The following PFKP variants were observed in gnomAD, a reference collection of about 807,000 sequenced individuals.
PFKP encodes the protein ATP-dependent 6-phosphofructokinase, platelet type.
PFKP carries 101 observed loss-of-function variants against 94.3 expected under a neutral mutation model. That is an observed-to-expected ratio of 1.07 (90% CI 0.91 to 1.26). The LOEUF is 1.26. Among genes scored for constraint, PFKP ranks in the 50% most tolerant of loss-of-function variants. The probability of loss-of-function intolerance (pLI) is 0.00; values close to 1 mark genes in which losing one functional copy is unlikely to be tolerated. For synonymous variants in PFKP, 573 were observed against 432.6 expected, an observed-to-expected ratio of 1.32 and a Z score of -4.03; for missense variants, 1,145 against 1,103.3, an observed-to-expected ratio of 1.04 and a Z score of -0.53.
chr10:3,088,673 T>C (rs533598151), intron 2 of PFKP, among the ~76,000 whole-genome samples: 29 of 152,370 alleles, frequency 1.9e-4, no homozygotes, highest in African/African-American at 6.7e-4. Flanking sequence ...TACATAATAG[T>C]TGTACCTATT....
In PFKP at chr10:3,113,209, G is replaced by A. The variant is rs200343189; in HGVS notation, c.1224+21G>A. The A allele has an allele frequency of 1.2e-3, 1,978 of 1,606,594 alleles. 3 individuals are homozygous for A. The highest frequency in any genetic ancestry group is 2.6e-3 in the Middle Eastern group (16 of 6,050). On this transcript the variant is annotated intron_variant, in intron 12 of 21. Transcript: ENST00000381125. Reference sequence around the variant, plus strand: ...CAAAGGTAGGTGGCCGGCCTCCCGCGATGCCCCGACCTCTCCTGCGGGCCT... The same window carrying A: ...CAAAGGTAGGTGGCCGGCCTCCCGCAATGCCCCGACCTCTCCTGCGGGCCT...
intron 2 of PFKP, among the ~76,000 whole-genome samples, chr10:3,084,243 G>A (rs1045426385): frequency 6.6e-6 from 1 of 152,212 alleles, no homozygotes; most frequent in Non-Finnish European, 1.5e-5. Context: ...TCCCAGCCCC[G>A]CGCAGGGAAG....
intron 1 of PFKP, among the ~76,000 whole-genome samples, chr10:3,078,248 A>G (rs1047867807): frequency 7.1e-6 from 1 of 140,616 alleles, no homozygotes; most frequent in Non-Finnish European, 1.7e-5. Context: ...CCCTCATTGC[A>G]GGTGTGCACG....
chr10:3,109,357 C>T lies in PFKP; in HGVS notation c.966C>T (p.Ala322=). The part of the protein sequence containing the change: ...GTPSAFDRIL[A]SRMGVEAVIA... ...ACCCACATGGACCTGGTTTCCAGGC[C>T]AGCCGCATGGGAGTGGAGGCAGTCA... Residue 322 remains alanine, a splice_region_variant and synonymous_variant, in exon 10 of 22, where the codon GCC becomes GCT. Coordinates refer to ENST00000381125, the MANE Select transcript of PFKP (RefSeq NM_002627.5). 6.2e-7 allele frequency: 1 copy of T among 1,609,598 alleles called. No homozygotes were observed. Among genetic ancestry groups the T allele is most frequent in the Non-Finnish European group, 8.5e-7 (1 of 1,180,000 alleles).
intron 2 of PFKP, among the ~76,000 whole-genome samples, chr10:3,095,216 G>A (rs1393315712): frequency 3.5e-5 from 3 of 86,666 alleles, no homozygotes; most frequent in Non-Finnish European, 1.0e-4. Flanking sequence ...ACTTACATAT[G>A]AGACGTCCGA....
At chr10:3,113,578 G>A (rs4881088) in intron 13 of PFKP, 60 bp downstream of exon 13, 160,782 of 1,511,710 alleles carry the variant, frequency 0.11, 9,952 homozygotes, top group South Asian at 0.25. Flanking sequence ...CAGTGGACGT[G>A]GCGGCGGGGG....
rs775708418 is a variant in PFKP at position 3,119,912 on chromosome 10, G to A, written c.1551G>A (p.Glu517=). ...GGFEAYLGLL[E]LSAAREKHEE... The stretch of plus-strand genomic sequence containing the variant: ...GACAGGCCTACCTGGGACTCCTGGA[G>A]CTGTCAGCCGCCCGGGAGAAGCACG... The change falls in exon 16 of 22, where the codon GAG becomes GAA. Residue 517 remains glutamate (E), a synonymous_variant. Transcript: ENST00000381125. The A allele has an allele frequency of 3.1e-6, 5 of 1,614,030 alleles. No homozygotes were observed. The highest frequency in any genetic ancestry group is 8.5e-7 in the Non-Finnish European group (1 of 1,180,016).
chr10:3,107,064 G>A (rs1588484211), intron 7 of PFKP, 150 bp from the exon 8 acceptor site: 2 of 506,920 alleles, frequency 3.9e-6, no homozygotes, highest in Non-Finnish European at 7.2e-6. Context: ...ACCTTCTGAT[G>A]TCATTGGGAA....
chr10:3,101,923 C>T (rs115919288), intron 4 of PFKP, among the ~76,000 whole-genome samples: 1,977 of 152,280 alleles, frequency 0.013, 47 homozygotes, highest in African/African-American at 0.046. Context: ...TTTCAGCCCT[C>T]ACACTGTGTC....
intron 1 of PFKP, among the ~76,000 whole-genome samples, chr10:3,070,552 G>A (rs1280090658): frequency 2.0e-5 from 3 of 152,132 alleles, no homozygotes; most frequent in Non-Finnish European, 4.4e-5. Context: ...AAAACATTTT[G>A]TATTCTAAGA....
intron 1 of PFKP, chr10:3,069,256 T>C (rs1831998831): frequency 2.1e-6 from 3 of 1,461,138 alleles, no homozygotes; most frequent in East Asian, 5.3e-5. Flanking sequence ...GACCCCAGCA[T>C]CAACGTTCTT....
intron 1 of PFKP, among the ~76,000 whole-genome samples, chr10:3,080,757 G>T (rs1364652326): frequency 6.6e-6 from 1 of 152,162 alleles, no homozygotes; most frequent in Non-Finnish European, 1.5e-5. Flanking sequence ...AAATGAAAGA[G>T]AAAAAGCTGT....
chr10:3,070,949 T>C (rs1211569692), intron 1 of PFKP, among the ~76,000 whole-genome samples: 1 of 151,200 alleles, frequency 6.6e-6, no homozygotes, highest in East Asian at 1.9e-4. Flanking sequence ...GATCTCACTA[T>C]GCTGCCGAGA....
intron 4 of PFKP, among the ~76,000 whole-genome samples, chr10:3,101,864 G>C (rs896708276): frequency 1.3e-5 from 2 of 152,314 alleles, no homozygotes; most frequent in African/African-American, 4.8e-5. Context: ...CGGCCACTCA[G>C]CCGTGGGGCG....
At chr10:3,074,369 G>A (rs1433740480) in intron 1 of PFKP, among the ~76,000 whole-genome samples, 1 of 152,208 alleles carries the variant, frequency 6.6e-6, no homozygotes, top group Non-Finnish European at 1.5e-5. Context: ...GACAGTGAGG[G>A]AGGAGTCCGT....
rs887933971 is a variant in PFKP, at chr10:3,128,120, G to A, written c.1684-1699G>A. Among the ~76,000 whole-genome samples, 17 of 152,206 alleles carry A rather than the reference G, an allele frequency of 1.1e-4. No homozygotes were observed. In the South Asian group the frequency reaches 3.3e-3, roughly 30 times the overall value. On this transcript the variant is annotated intron_variant, in intron 16 of 21. Transcript: ENST00000381125. ...CAGGACGGACGGACGGCTGGCTGGG[G>A]AATACCATGCTTATGTCATTCAGAG...
rs139619884 is a variant in PFKP, at chr10:3,079,159, C to T, written c.113-3229C>T. Among the ~76,000 whole-genome samples the T allele has an allele frequency of 2.5e-3, 382 of 152,220 alleles. 2 individuals are homozygous for T. Among genetic ancestry groups the T allele is most frequent in the African/African-American group, 6.6e-3 (275 of 41,552 alleles). ...GGGGGTGGGGAGAATCCAGCAGGGA[C>T]TTCAGCGATTGAGTTTAGTGCTGGG... On this transcript the variant is annotated intron_variant, in intron 1 of 21. Coordinates refer to ENST00000381125, the MANE Select transcript of PFKP (RefSeq NM_002627.5).
chr10:3,086,707 G>A (rs1833634255), intron 2 of PFKP, among the ~76,000 whole-genome samples: 1 of 152,146 alleles, frequency 6.6e-6, no homozygotes, highest in Admixed American at 6.5e-5. Flanking sequence ...GGTGGGGAGT[G>A]AGGCCGAGGG....
chr10:3,134,723 G>A (rs1367723514), intron 20 of PFKP, 141 bp downstream of exon 20: 4 of 588,042 alleles, frequency 6.8e-6, no homozygotes, highest in African/African-American at 1.8e-5. Flanking sequence ...TTTTACTCCT[G>A]ATCTCTGAGT....
Sources: allele counts gnomAD v4.1 joint callset (sites outside exome capture counted in the v4.1 genomes callset), GRCh38; gene constraint gnomAD v4.1.1; transcripts MANE v1.5; gene names NCBI Gene and HGNC (gene_info 2026-07-23, HGNC 2026-07-21).